Variants in OR2A12 observed in about 807,000 individuals in gnomAD.
The protein encoded by OR2A12 is olfactory receptor family 2 subfamily A member 12.
For synonymous variants in OR2A12, 153 were observed against 149.3 expected (o/e 1.02, Z -0.18); for missense variants, 380 against 372.5 (o/e 1.02, Z -0.17).
In OR2A12 at chr7:144,096,327, C is replaced by A. The variant is rs920765494; in HGVS notation, c.*287C>A. On this transcript the variant is annotated 3_prime_UTR_variant, in exon 2 of 2. Coordinates refer to ENST00000641592, the MANE Select transcript of OR2A12 (RefSeq NM_001004135.2). ...AAAATTAGCCGGGCGTGCTGGTGGG[C>A]GCCTGTAATCCCAGCTCTACTTGGG... is the stretch of plus-strand genomic sequence containing the variant. 5 of 209,946 alleles carry A rather than the reference C, an allele frequency of 2.4e-5. No homozygotes were observed. The highest frequency in any genetic ancestry group is 5.2e-5 in the Admixed American group (1 of 19,160). 13.0% of individuals were successfully genotyped at this position (209,946 alleles called of 1,614,324 possible).
chr7:144,088,289 G>A (rs192310518), intron 1 of OR2A12, among the ~76,000 whole-genome samples: 17 of 152,308 alleles, frequency 1.1e-4, no homozygotes, highest in Admixed American at 5.2e-4. Flanking sequence ...TGGGATTACA[G>A]GTGTGAGCCA....
In OR2A12 at chr7:144,096,033, C is replaced by T. The variant is rs769397640; in HGVS notation, c.926C>T (p.Ser309Leu). 1 of 1,584,020 alleles carries T rather than the reference C, an allele frequency of 6.3e-7. No individual in the cohort carries two copies. The highest frequency in any genetic ancestry group is 2.2e-5 in the East Asian group (1 of 44,730). ...ALKRVLWKQRSM is the reference protein window; with the variant it reads ...ALKRVLWKQRLM ...AAGAGAGTCCTTTGGAAACAGAGAT[C>T]AATGTGAAGAATCATTTGAGATATC... Residue 309 changes from serine to leucine, a missense_variant, in exon 2 of 2, where the codon TCA becomes TTA. Ser to Leu is a moderately radical substitution (Grantham distance 145, BLOSUM62 -2). Transcript: ENST00000641592.
chr7:144,098,406 T>C lies in OR2A12; in HGVS notation c.*2366T>C, dbSNP rs917719467. ...AGGTATCCCCAGGAAAGTGTAAGCC[T>C]ATCCACATTCTTCCTGAAACCAAGA... On this transcript the variant is annotated 3_prime_UTR_variant, in exon 2 of 2. Transcript: ENST00000641592. 8 of 152,154 alleles carry C rather than the reference T, an allele frequency of 5.3e-5. 1 individual carries two copies. Among genetic ancestry groups the C allele is most frequent in the Admixed American group, 3.9e-4 (6 of 15,270 alleles). The allele number at this position is 152,154 out of a possible 1,614,324, so 9.4% of individuals were successfully genotyped here.
At chr7:144,087,483 A>C (rs955382304) in intron 1 of OR2A12, among the ~76,000 whole-genome samples, 1 of 152,164 alleles carries the variant, frequency 6.6e-6, no homozygotes, top group African/African-American at 2.4e-5. Context: ...TTTGGGGAAA[A>C]GTCCTGGCTA....
At chr7:144,091,119 G>A (rs563874285) in intron 1 of OR2A12, among the ~76,000 whole-genome samples, 35 of 152,276 alleles carry the variant, frequency 2.3e-4, no homozygotes, top group African/African-American at 7.9e-4. Context: ...GGCTGGGTGC[G>A]GTGGCTCATG....
In OR2A12 at chr7:144,096,887, T is replaced by A. The variant is rs748396666; in HGVS notation, c.*847T>A. ...AATAAAAACAAAGCAGACGTCATGG[T>A]TAATGGTGAAATGTTAGCATCTGTC... On this transcript the variant is annotated 3_prime_UTR_variant, in exon 2 of 2. Transcript: ENST00000641592. 25 of 152,136 alleles carry A rather than the reference T, an allele frequency of 1.6e-4. No homozygotes were observed. The highest frequency in any genetic ancestry group is 3.2e-4 in the Non-Finnish European group (22 of 68,028). 9.4% of individuals were successfully genotyped at this position (152,136 alleles called of 1,614,324 possible). A position where few individuals can be genotyped will look rare whatever the true frequency, so the allele number is the denominator to read the frequency against.
intron 1 of OR2A12, among the ~76,000 whole-genome samples, chr7:144,088,714 A>G (rs76366257): frequency 0.018 from 2,697 of 152,330 alleles, 70 homozygotes; most frequent in African/African-American, 0.061. Context: ...ATAAATACAC[A>G]GTAATTTTAA....
intron 1 of OR2A12, among the ~76,000 whole-genome samples, chr7:144,089,057 G>A (rs1177535143): frequency 3.3e-5 from 5 of 152,122 alleles, no homozygotes; most frequent in African/African-American, 7.2e-5. Context: ...AACATTCACC[G>A]TTAAGTATAA....
rs1342448696 is a variant in OR2A12, at chr7:144,098,371, G to C, written c.*2331G>C. 2.6e-5 allele frequency: 4 copies of C among 152,170 alleles called. No individual in the cohort carries two copies. The highest frequency in any genetic ancestry group is 5.9e-5 in the Non-Finnish European group (4 of 68,036). The allele number at this position is 152,170 out of a possible 1,614,324, so 9.4% of individuals were successfully genotyped here. The stretch of plus-strand genomic sequence containing the variant: ...GATTCTCAACAATTATCTGTTGACA[G>C]ACGACCAATAGGTATCCCCAGGAAA... On this transcript the variant is annotated 3_prime_UTR_variant, in exon 2 of 2. Coordinates refer to ENST00000641592, the MANE Select transcript of OR2A12 (RefSeq NM_001004135.2).
At position 144,095,040 on chromosome 7, in the gene OR2A12, T is replaced by A; in HGVS notation, c.-51-17T>A. The stretch of plus-strand genomic sequence containing the variant: ...TTCATGCTCTATAATGAAATGTTTT[T>A]TATTTTCTCCCATTAGCTGTGAAAT... On this transcript the variant is annotated splice_polypyrimidine_tract_variant and intron_variant, in intron 1 of 1. Transcript: ENST00000641592. 9.3e-7 allele frequency: 1 copy of A among 1,070,372 alleles called. No individual in the cohort carries two copies. The highest frequency in any genetic ancestry group is 1.4e-6 in the Non-Finnish European group (1 of 729,762). The allele number at this position is 1,070,372 out of a possible 1,614,324, so 66.3% of individuals were successfully genotyped here.
chr7:144,095,223 T>C lies in OR2A12; in HGVS notation c.116T>C (p.Met39Thr), dbSNP rs747915721. The change falls in exon 2 of 2, where the codon ATG (methionine) becomes ACG (threonine). Residue 39 changes from methionine to threonine, a missense_variant. Physicochemically the swap from Met to Thr is moderately conservative, Grantham distance 81. Transcript: ENST00000641592. ...FFLLFYSLTL[M>T]GNGIILGLIY... Reference sequence around the variant, plus strand: ...TTGCTATTCTACAGCTTAACCCTGATGGGAAATGGGATTATCCTGGGGCTC... The same window carrying C: ...TTGCTATTCTACAGCTTAACCCTGACGGGAAATGGGATTATCCTGGGGCTC... 3.1e-6 allele frequency: 5 copies of C among 1,613,894 alleles called. No individual in the cohort carries two copies. The highest frequency in any genetic ancestry group is 2.7e-5 in the African/African-American group (2 of 74,880).
intron 1 of OR2A12, among the ~76,000 whole-genome samples, chr7:144,089,334 G>A (rs926686181): frequency 1.3e-5 from 2 of 151,798 alleles, no homozygotes; most frequent in Non-Finnish European, 1.5e-5. Context: ...GTGTGTGCGC[G>A]TGTGTGCGTG....
At chr7:144,093,379 G>A (rs1235071737) in intron 1 of OR2A12, among the ~76,000 whole-genome samples, 1 of 151,836 alleles carries the variant, frequency 6.6e-6, no homozygotes, top group Non-Finnish European at 1.5e-5. Flanking sequence ...TTAAAATCTG[G>A]GTAGATTCCT....
chr7:144,092,232 C>G (rs529876501), intron 1 of OR2A12, among the ~76,000 whole-genome samples: 3 of 152,148 alleles, frequency 2.0e-5, no homozygotes, highest in Non-Finnish European at 4.4e-5. Context: ...TGTACCAGTA[C>G]TGTGCTGTTT....
chr7:144,088,548 T>G (rs2051203242), intron 1 of OR2A12, among the ~76,000 whole-genome samples: 1 of 152,256 alleles, frequency 6.6e-6, no homozygotes, highest in Non-Finnish European at 1.5e-5. Flanking sequence ...TTGCTGGTAT[T>G]CTGATTTGAA....
At position 144,097,672 on chromosome 7, in the gene OR2A12, A is replaced by C. The variant is rs2051276632; in HGVS notation, c.*1632A>C. 1 of 152,176 alleles carries C rather than the reference A, an allele frequency of 6.6e-6. No homozygotes were observed. Among genetic ancestry groups the C allele is most frequent in the Non-Finnish European group, 1.5e-5 (1 of 68,030 alleles). 9.4% of individuals were successfully genotyped at this position (152,176 alleles called of 1,614,324 possible). On this transcript the variant is annotated 3_prime_UTR_variant, in exon 2 of 2. Coordinates refer to ENST00000641592, the MANE Select transcript of OR2A12 (RefSeq NM_001004135.2). ...ACAGATAGACCAAAAAACAAACAGA[A>C]TAGAAAGAAAATTAGTGTATATTTG...
In OR2A12 at chr7:144,097,652, T is replaced by C. The variant is rs184382959; in HGVS notation, c.*1612T>C. The C allele has an allele frequency of 2.4e-4, 37 of 152,274 alleles. No homozygotes were observed. Among genetic ancestry groups the C allele is most frequent in the Admixed American group, 2.0e-3 (30 of 15,296 alleles). The allele number at this position is 152,274 out of a possible 1,614,324, so 9.4% of individuals were successfully genotyped here. A position where few individuals can be genotyped will look rare whatever the true frequency, so the allele number is the denominator to read the frequency against. ...GAACAGTGTGGTATTTATACACAGA[T>C]AGACCAAAAAACAAACAGAATAGAA... On this transcript the variant is annotated 3_prime_UTR_variant, in exon 2 of 2. Coordinates refer to ENST00000641592, the MANE Select transcript of OR2A12 (RefSeq NM_001004135.2).
intron 1 of OR2A12, among the ~76,000 whole-genome samples, chr7:144,093,012 C>T (rs1295588202): frequency 6.6e-6 from 1 of 151,938 alleles, no homozygotes; most frequent in South Asian, 2.1e-4. Context: ...GATAGTCATC[C>T]ACGAAAATTG....
In OR2A12 at chr7:144,098,219, T is replaced by A. The variant is rs1403189091; in HGVS notation, c.*2179T>A. The A allele has an allele frequency of 6.6e-6, 1 of 152,314 alleles. No homozygotes were observed. Among genetic ancestry groups the A allele is most frequent in the Non-Finnish European group, 1.5e-5 (1 of 68,034 alleles). 9.4% of individuals were successfully genotyped at this position (152,314 alleles called of 1,614,324 possible). A position where few individuals can be genotyped will look rare whatever the true frequency, so the allele number is the denominator to read the frequency against. ...TTATTAAGTACTTGAAGTTTTTCCCTTTATATATTTTTTTCACATGTGTGT... is the reference window on the plus strand; with the variant it reads ...TTATTAAGTACTTGAAGTTTTTCCCATTATATATTTTTTTCACATGTGTGT... On this transcript the variant is annotated 3_prime_UTR_variant, in exon 2 of 2. Coordinates refer to ENST00000641592, the MANE Select transcript of OR2A12 (RefSeq NM_001004135.2).
Sources: allele counts gnomAD v4.1 joint callset (sites outside exome capture counted in the v4.1 genomes callset), GRCh38; gene constraint gnomAD v4.1.1; transcripts MANE v1.5; gene names NCBI Gene and HGNC (gene_info 2026-07-23, HGNC 2026-07-21).